CEP126: variants seen among roughly 807,000 people sequenced by gnomAD.
The protein encoded by CEP126 is centrosomal protein of 126 kDa.
In CEP126, 74 loss-of-function variants were observed where a neutral mutation model predicts 107.8. The observed-to-expected ratio is 0.69, with a 90% CI of 0.57 to 0.83. CEP126 has a LOEUF of 0.83. Among genes scored for constraint, CEP126 ranks in the 40% least tolerant of loss-of-function variants. CEP126 has a pLI of 0.00. For missense variants in CEP126, 1,237 were observed against 1,281.9 expected (o/e 0.96, Z 0.53); for synonymous variants, 449 against 446.0 (o/e 1.01, Z -0.08).
intron 4 of CEP126, chr11:101,956,185 AC>A (rs1039417721): frequency 2.2e-6 from 1 of 456,280 alleles, no homozygotes; most frequent in African/African-American, 2.0e-5. Flanking sequence ...AAACTTTCAG[AC>A]CCAAACATTT....
At position 101,979,002 on chromosome 11, in the gene CEP126, G is replaced by C. The variant is rs1941225165; in HGVS notation, c.2958+543G>C. On this transcript the variant is annotated intron_variant, in intron 7 of 10. Transcript: ENST00000263468. The stretch of plus-strand genomic sequence containing the variant: ...AAAAAATTAGCCAGGGGTGGTGGCA[G>C]GTGCCTGTAATCCCAGCTACTCAGG... Among the ~76,000 whole-genome samples the C allele has an allele frequency of 2.6e-5, 4 of 152,082 alleles. No individual in the cohort carries two copies. The South Asian group carries it at 8.3e-4, about 32-fold the overall frequency.
chr11:101,957,167 C>T (rs1940910713), intron 4 of CEP126, among the ~76,000 whole-genome samples: 1 of 152,088 alleles, frequency 6.6e-6, no homozygotes, highest in South Asian at 2.1e-4. Context: ...ACCTTGACTA[C>T]TCCAGTCTGT....
intron 2 of CEP126, among the ~76,000 whole-genome samples, chr11:101,938,128 C>T (rs1294890558): frequency 1.7e-5 from 2 of 114,950 alleles, no homozygotes; most frequent in Non-Finnish European, 3.9e-5. Flanking sequence ...AGTCCGCAGT[C>T]CGGCCTGGGC....
intron 4 of CEP126, among the ~76,000 whole-genome samples, chr11:101,950,042 G>T (rs1940789490): frequency 6.6e-6 from 1 of 152,068 alleles, no homozygotes. Context: ...AAAGAGCAAG[G>T]GATCATTCAG....
intron 6 of CEP126, among the ~76,000 whole-genome samples, chr11:101,974,013 A>C (rs1941163411): frequency 6.6e-6 from 1 of 152,088 alleles, no homozygotes; most frequent in Non-Finnish European, 1.5e-5. Flanking sequence ...TACTCTTTCT[A>C]ATGACTAAAA....
rs564510732 is a variant in CEP126, at chr11:101,915,172, C to A, written c.-113C>A. The stretch of plus-strand genomic sequence containing the variant: ...GAGGCCAACCCTTCCGCGCCCGTGA[C>A]GCGGGGCCTGAGAGACGGAGTGTAG... On this transcript the variant is annotated 5_prime_UTR_variant, in exon 1 of 11. Coordinates refer to ENST00000263468, the MANE Select transcript of CEP126 (RefSeq NM_020802.4). 131 of 1,492,334 alleles carry A rather than the reference C, an allele frequency of 8.8e-5. No homozygotes were observed. The highest frequency in any genetic ancestry group is 3.2e-4 in the East Asian group (14 of 43,332). The allele number at this position is 1,492,334 out of a possible 1,614,324, so 92.4% of individuals were successfully genotyped here.
chr11:101,955,161 C>G (rs1591281097), intron 4 of CEP126, among the ~76,000 whole-genome samples: 1 of 152,098 alleles, frequency 6.6e-6, no homozygotes. Flanking sequence ...AATATATTCT[C>G]ATGAACATAG....
rs11225090 is a variant in CEP126, at chr11:101,961,877, T to C, written c.842T>C (p.Ile281Thr). The C allele has an allele frequency of 0.056, 90,693 of 1,610,524 alleles. 4,333 individuals carry two copies. The highest frequency in any genetic ancestry group is 0.24 in the East Asian group (10,678 of 44,814). ...TCCACATCCATCCAGCGGAATACCA[T>C]TTCCCTCAAACCAGCAAATATGCAA... ...EHSTSIQRNT[I>T]SLKPANMQST... The change falls in exon 6 of 11, where the codon ATT (isoleucine) becomes ACT (threonine). Residue 281 changes from isoleucine (I) to threonine (T), a missense_variant. Physicochemically the swap from Ile to Thr is moderately conservative, Grantham distance 89 (BLOSUM62 -1). Transcript: ENST00000263468.
At position 101,963,862 on chromosome 11, in the gene CEP126, C is replaced by A; in HGVS notation, c.2827C>A (p.Gln943Lys). The A allele has an allele frequency of 2.5e-6, 4 of 1,603,954 alleles. No individual in the cohort carries two copies. The highest frequency in any genetic ancestry group is 3.4e-6 in the Non-Finnish European group (4 of 1,175,262). ...LWKRGPNVLH[Q>K]NKRATGSTVM... ...GAAAAGAGGTCCTAATGTCCTGCATCAAAATAAGAGGGCTACAGGTAAGAA... is the reference window on the plus strand; with the variant it reads ...GAAAAGAGGTCCTAATGTCCTGCATAAAAATAAGAGGGCTACAGGTAAGAA... Residue 943 changes from glutamine to lysine, a missense_variant, in exon 6 of 11, where the codon CAA (glutamine) becomes AAA (lysine). Physicochemically the swap from Gln to Lys is moderately conservative, Grantham distance 53 (BLOSUM62 1). Transcript: ENST00000263468.
At chr11:101,969,534 A>G (rs987744529) in intron 6 of CEP126, among the ~76,000 whole-genome samples, 3 of 152,340 alleles carry the variant, frequency 2.0e-5, no homozygotes, top group Non-Finnish European at 4.4e-5. Context: ...AAAAGTCTGT[A>G]TTAAAAAGAA....
chr11:101,992,148 AT>A lies in CEP126; in HGVS notation c.3245-625del, dbSNP rs547090125. ...TACTCTGTATTTTAAAATTAAAACT[AT>A]TTTTAAAAAAAAATAAAAAGCAGGG... On this transcript the variant is annotated intron_variant, in intron 9 of 10. Transcript: ENST00000263468. 7.8e-5 allele frequency among the ~76,000 whole-genome samples: 10 copies of A among 128,396 alleles called. 1 individual carries two copies. Among genetic ancestry groups the A allele is most frequent in the African/African-American group, 2.5e-4 (9 of 35,314 alleles). 84.2% of individuals were successfully genotyped at this position (128,396 alleles called of 152,430 possible).
chr11:101,976,117 G>C (rs144596181), intron 6 of CEP126, among the ~76,000 whole-genome samples: 232 of 152,302 alleles, frequency 1.5e-3, no homozygotes, highest in African/African-American at 5.4e-3. Context: ...TTTCTGGGTT[G>C]ATGGGTACTT....
chr11:101,936,390 C>T (rs1940579174), intron 2 of CEP126, among the ~76,000 whole-genome samples: 1 of 151,814 alleles, frequency 6.6e-6, no homozygotes, highest in Non-Finnish European at 1.5e-5. Flanking sequence ...TGTTGAAATA[C>T]AAATGATTTT....
intron 10 of CEP126, among the ~76,000 whole-genome samples, chr11:101,996,364 C>G (rs1178817007): frequency 2.6e-5 from 4 of 152,226 alleles, no homozygotes; most frequent in Non-Finnish European, 5.9e-5. Flanking sequence ...GTCATCCTTT[C>G]TCTGATCCTG....
At chr11:101,930,126 T>A (rs1045390655) in intron 2 of CEP126, among the ~76,000 whole-genome samples, 2 of 151,978 alleles carry the variant, frequency 1.3e-5, no homozygotes, top group African/African-American at 4.8e-5. Context: ...CCTGCTGACC[T>A]CCTCTTCTTC....
chr11:101,974,410 G>A (rs1376649528), intron 6 of CEP126, among the ~76,000 whole-genome samples: 1 of 152,124 alleles, frequency 6.6e-6, no homozygotes, highest in African/African-American at 2.4e-5. Context: ...TTATGACAAA[G>A]AAGAAGGAGT....
chr11:101,952,938 T>C (rs1430848473), intron 4 of CEP126, among the ~76,000 whole-genome samples: 2 of 152,170 alleles, frequency 1.3e-5, no homozygotes, highest in Non-Finnish European at 2.9e-5. Context: ...GCCAACTAGG[T>C]AACATTCTTC....
In CEP126 at chr11:101,979,736, T is replaced by A. The variant is rs77306933; in HGVS notation, c.2958+1277T>A. On this transcript the variant is annotated intron_variant, in intron 7 of 10. Transcript: ENST00000263468. ...CCAGGTGACAGAGCAAGACCCTGTC[T>A]CTCAAAACAAATTAAATAAATAAAA... is the stretch of plus-strand genomic sequence containing the variant. Among the ~76,000 whole-genome samples the A allele has an allele frequency of 2.8e-3, 427 of 152,240 alleles. 1 individual carries two copies. The highest frequency in any genetic ancestry group is 9.7e-3 in the African/African-American group (404 of 41,552).
intron 2 of CEP126, among the ~76,000 whole-genome samples, chr11:101,927,979 G>A (rs1018771463): frequency 7.9e-5 from 12 of 152,232 alleles, no homozygotes; most frequent in South Asian, 6.2e-4. Context: ...ACTGCCAGCC[G>A]TTTTTCAGAG....
Sources: allele counts gnomAD v4.1 joint callset (sites outside exome capture counted in the v4.1 genomes callset), GRCh38; gene constraint gnomAD v4.1.1; transcripts MANE v1.5; gene names NCBI Gene and HGNC (gene_info 2026-07-23, HGNC 2026-07-21).